Variants in RGS7BP observed in about 807,000 individuals in gnomAD.
RGS7BP encodes the protein regulator of G protein signaling 7 binding protein.
RGS7BP carries 9 observed loss-of-function variants against 31.3 expected under a neutral mutation model. The observed-to-expected ratio is 0.29, with a 90% CI of 0.17 to 0.50. The LOEUF (loss-of-function observed/expected upper bound fraction) is 0.50, where lower values mean the gene tolerates loss of function less well. Among genes scored for constraint, RGS7BP ranks in the 20% least tolerant of loss-of-function variants. The pLI is 0.98. For missense variants in RGS7BP, 274 were observed against 322.0 expected, an observed-to-expected ratio of 0.85 and a Z score of 1.14; for synonymous variants, 115 against 120.1, an observed-to-expected ratio of 0.96 and a Z score of 0.28.
intron 3 of RGS7BP, among the ~76,000 whole-genome samples, chr5:64,577,203 C>G (rs1230502526): frequency 6.6e-6 from 1 of 152,148 alleles, no homozygotes; most frequent in Non-Finnish European, 1.5e-5. Flanking sequence ...CTTTGGGAGG[C>G]TGAGGCGGGC....
chr5:64,507,988 C>A, intron 2 of RGS7BP, 111 bp downstream of exon 2: 2 of 926,520 alleles, frequency 2.2e-6, no homozygotes, highest in Non-Finnish European at 3.2e-6. Context: ...GAGATTTTAA[C>A]CTTAAGATCG....
intron 3 of RGS7BP, among the ~76,000 whole-genome samples, chr5:64,584,244 A>G (rs1393122052): frequency 6.6e-6 from 1 of 152,250 alleles, no homozygotes; most frequent in Non-Finnish European, 1.5e-5. Flanking sequence ...TCCATTGTAT[A>G]TTTAGTTTCT....
chr5:64,607,977 C>T (rs1244377128), intron 5 of RGS7BP, among the ~76,000 whole-genome samples: 1 of 152,048 alleles, frequency 6.6e-6, no homozygotes, highest in African/African-American at 2.4e-5. Context: ...ACATTCTTCA[C>T]TTTAGCTATC....
intron 2 of RGS7BP, among the ~76,000 whole-genome samples, chr5:64,565,063 AG>A (rs2111872191): frequency 6.6e-6 from 1 of 152,254 alleles, no homozygotes; most frequent in Non-Finnish European, 1.5e-5. Flanking sequence ...AACTATTATG[AG>A]TAAAGAAGAA....
intron 2 of RGS7BP, among the ~76,000 whole-genome samples, chr5:64,513,485 C>T (rs1390609849): frequency 1.3e-5 from 2 of 152,162 alleles, no homozygotes; most frequent in Non-Finnish European, 2.9e-5. Flanking sequence ...TGTTCCTACC[C>T]TTGTTCTGTT....
At chr5:64,526,694 GGCAGTGA>G (rs1749239071) in intron 2 of RGS7BP, among the ~76,000 whole-genome samples, 1 of 152,090 alleles carries the variant, frequency 6.6e-6, no homozygotes, top group Non-Finnish European at 1.5e-5. Flanking sequence ...AGCTTACCAT[GGCAGTGA>G]GCAACTAATG....
chr5:64,607,429 C>T (rs915260330), intron 5 of RGS7BP, among the ~76,000 whole-genome samples: 1 of 152,034 alleles, frequency 6.6e-6, no homozygotes, highest in African/African-American at 2.4e-5. Context: ...AATCGATACA[C>T]ATAAGATGTA....
intron 2 of RGS7BP, among the ~76,000 whole-genome samples, chr5:64,538,528 C>CTTTTTTTTTTT (rs200275665): frequency 2.3e-5 from 1 of 43,062 alleles, no homozygotes; most frequent in Non-Finnish European, 4.5e-5. Context: ...CTTTTCTTTT[C>CTTTTTTTTTTT]TTTTTTTTTT....
At chr5:64,529,552 T>G (rs1195806293) in intron 2 of RGS7BP, among the ~76,000 whole-genome samples, 1 of 152,184 alleles carries the variant, frequency 6.6e-6, no homozygotes, top group Admixed American at 6.5e-5. Flanking sequence ...TGGAATCGCC[T>G]GGGGAGCCTA....
chr5:64,609,346 T>C lies in RGS7BP; in HGVS notation c.*94T>C. 1 of 757,988 alleles carries C rather than the reference T, an allele frequency of 1.3e-6. No individual in the cohort carries two copies. The highest frequency in any genetic ancestry group is 1.9e-5 in the Admixed American group (1 of 52,626). 47.0% of individuals were successfully genotyped at this position (757,988 alleles called of 1,614,324 possible). ...GCTGAACCACACAGTTATTGGTTTT[T>C]GACTATGTTTTCTATGCTTCCTTAT... On this transcript the variant is annotated 3_prime_UTR_variant, in exon 6 of 6. Transcript: ENST00000334025.
At chr5:64,509,153 T>C (rs991658692) in intron 2 of RGS7BP, among the ~76,000 whole-genome samples, 1 of 152,034 alleles carries the variant, frequency 6.6e-6, no homozygotes, top group Non-Finnish European at 1.5e-5. Flanking sequence ...GTTCAGGAGT[T>C]TGGTGAAGAA....
At chr5:64,564,185 G>A (rs1580434764) in intron 2 of RGS7BP, among the ~76,000 whole-genome samples, 1 of 152,134 alleles carries the variant, frequency 6.6e-6, no homozygotes, top group African/African-American at 2.4e-5. Flanking sequence ...TCTTAATACA[G>A]TTCCATATAC....
intron 2 of RGS7BP, among the ~76,000 whole-genome samples, chr5:64,554,814 A>G (rs1274755208): frequency 1.3e-5 from 2 of 152,164 alleles, no homozygotes; most frequent in African/African-American, 4.8e-5. Flanking sequence ...AGAAGAGTTG[A>G]AAACATGAGA....
chr5:64,506,393 A>T lies in RGS7BP; in HGVS notation c.-232A>T, dbSNP rs906226408. 2 of 400,150 alleles carry T rather than the reference A, an allele frequency of 5.0e-6. No homozygotes were observed. The highest frequency in any genetic ancestry group is 8.8e-6 in the Non-Finnish European group (2 of 226,056). 24.8% of individuals were successfully genotyped at this position (400,150 alleles called of 1,614,324 possible). On this transcript the variant is annotated 5_prime_UTR_variant, in exon 1 of 6. The change abolishes the stop of an existing upstream ORF in the 5' untranslated region. Coordinates refer to ENST00000334025, the MANE Select transcript of RGS7BP (RefSeq NM_001029875.3). This position sits in a 1 kb window ranked among gnomAD's most constrained non-coding sequence, Gnocchi z 4.6. Reference sequence around the variant, plus strand: ...CGGCAATGCTGCTGAGCAGAACTTGATCGCGCTCCTTCCTCGCTGCTAGTG... The same window carrying T: ...CGGCAATGCTGCTGAGCAGAACTTGTTCGCGCTCCTTCCTCGCTGCTAGTG...
chr5:64,599,205 T>G (rs1330232745), intron 5 of RGS7BP, among the ~76,000 whole-genome samples: 1 of 152,200 alleles, frequency 6.6e-6, no homozygotes, highest in East Asian at 1.9e-4. Context: ...ACTGACGACA[T>G]GTACAAAGGA....
chr5:64,590,186 A>G (rs925597845), intron 3 of RGS7BP, among the ~76,000 whole-genome samples: 1 of 152,090 alleles, frequency 6.6e-6, no homozygotes, highest in African/African-American at 2.4e-5. Context: ...TAGTTTGAAC[A>G]TGAATTTATA....
chr5:64,607,965 G>T (rs183427857), intron 5 of RGS7BP, among the ~76,000 whole-genome samples: 1 of 152,118 alleles, frequency 6.6e-6, no homozygotes, highest in Admixed American at 6.6e-5. Flanking sequence ...TTGAGGTGGG[G>T]CACATTCTTC....
chr5:64,571,217 C>T (rs1742294331), intron 2 of RGS7BP, among the ~76,000 whole-genome samples: 1 of 152,034 alleles, frequency 6.6e-6, no homozygotes, highest in Non-Finnish European at 1.5e-5. Context: ...CAAGATAAGG[C>T]TTTTGTGATT....
At chr5:64,564,737 G>A (rs189345603) in intron 2 of RGS7BP, among the ~76,000 whole-genome samples, 115 of 152,084 alleles carry the variant, frequency 7.6e-4, no homozygotes, top group African/African-American at 2.6e-3. Context: ...AATTCCTTGC[G>A]CTGTAAGCCA....
Sources: gnomAD v4.1 joint callset for allele counts (sites outside exome capture counted in the v4.1 genomes callset) on GRCh38, gnomAD v4.1.1 for gene constraint, Gnocchi (gnomAD v3.1) non-coding constraint, MANE v1.5 for transcripts, NCBI Gene and HGNC (gene_info 2026-07-23, HGNC 2026-07-21) for gene names.